NDRG3: variants seen among roughly 807,000 people sequenced by gnomAD.
NDRG3 encodes the protein NDRG family member 3, also known as protein NDRG3.
NDRG3 carries 23 observed loss-of-function variants against 57.2 expected under a neutral mutation model. That is an observed-to-expected ratio of 0.40 (90% CI 0.29 to 0.57). NDRG3 has a LOEUF of 0.57. NDRG3 is among the 20% of genes least tolerant of loss of function. NDRG3 has a pLI of 0.42. For synonymous variants in NDRG3, 132 were observed against 162.6 expected (o/e 0.81, Z 1.43); for missense variants, 384 against 457.3 (o/e 0.84, Z 1.46).
In NDRG3 at chr20:36,656,502, CT is replaced by C; in HGVS notation, c.888del (p.Val297PhefsTer25). On this transcript the variant is annotated frameshift_variant, in exon 14 of 16. Transcript: ENST00000349004. LOFTEE classifies it high-confidence loss of function. Reference sequence around the variant, plus strand: ...TTAAAAAAAATTCTCCTTACCTGAACTACCTGGGGCAGTCCCCCACAGTCCG... The same window carrying C: ...TTAAAAAAAATTCTCCTTACCTGAACACCTGGGGCAGTCCCCCACAGTCCG... ...KMADCGGLPQ[V>X]VQPGKLTEAF... 6.2e-7 allele frequency: 1 copy of C among 1,614,158 alleles called. No individual in the cohort carries two copies. Among genetic ancestry groups the C allele is most frequent in the Non-Finnish European group, 8.5e-7 (1 of 1,179,996 alleles).
chr20:36,706,144 G>A (rs1029859350), intron 3 of NDRG3, among the ~76,000 whole-genome samples: 1 of 152,192 alleles, frequency 6.6e-6, no homozygotes, highest in Non-Finnish European at 1.5e-5. Context: ...CAGAGGTGAT[G>A]CAAAAGCAGA....
intron 6 of NDRG3, among the ~76,000 whole-genome samples, chr20:36,683,450 C>T (rs1386893686): frequency 6.6e-6 from 1 of 151,574 alleles, no homozygotes; most frequent in Non-Finnish European, 1.5e-5. Flanking sequence ...CCCGTCTCTA[C>T]TAAAAATACA....
chr20:36,664,993 C>A (rs375391352), intron 12 of NDRG3, 53 bp downstream of exon 12: 19 of 1,565,958 alleles, frequency 1.2e-5, no homozygotes, highest in Non-Finnish European at 1.5e-5. Flanking sequence ...CTGGCCTACA[C>A]ATTTTATTAC....
intron 7 of NDRG3, 87 bp from the exon 8 acceptor site, chr20:36,680,989 T>C: frequency 9.6e-7 from 1 of 1,045,464 alleles, no homozygotes; most frequent in East Asian, 2.4e-5. Flanking sequence ...CAATTCTTAC[T>C]TACATGCCTT....
intron 3 of NDRG3, chr20:36,700,395 G>A (rs1167973720): frequency 3.9e-6 from 2 of 511,214 alleles, no homozygotes; most frequent in Admixed American, 4.3e-5. Flanking sequence ...ATGTAAATAT[G>A]CTTAGCAGAA....
intron 3 of NDRG3, among the ~76,000 whole-genome samples, chr20:36,697,157 GTTC>G (rs1982860295): frequency 1.3e-5 from 2 of 152,180 alleles, no homozygotes; most frequent in African/African-American, 4.8e-5. Flanking sequence ...CAGAAAAAGT[GTTC>G]TCATTATCTA....
intron 1 of NDRG3, among the ~76,000 whole-genome samples, chr20:36,742,056 G>C: frequency 6.6e-6 from 1 of 152,116 alleles, no homozygotes; most frequent in Middle Eastern, 3.2e-3. Flanking sequence ...TCAAAGCCCA[G>C]AAAGTCAAAA....
At chr20:36,737,503 G>C (rs1985667381) in intron 1 of NDRG3, among the ~76,000 whole-genome samples, 1 of 152,124 alleles carries the variant, frequency 6.6e-6, no homozygotes, top group African/African-American at 2.4e-5. Flanking sequence ...ACTATGCCAG[G>C]TACCGTGATA....
intron 4 of NDRG3, 86 bp from the exon 5 acceptor site, chr20:36,687,698 C>A: frequency 6.9e-7 from 1 of 1,444,294 alleles, no homozygotes; most frequent in South Asian, 1.4e-5. Context: ...TTATCACCTT[C>A]TTTCCCTGCT....
intron 2 of NDRG3, among the ~76,000 whole-genome samples, chr20:36,713,427 A>G (rs1211273093): frequency 6.6e-6 from 1 of 152,190 alleles, no homozygotes; most frequent in Non-Finnish European, 1.5e-5. Context: ...GATTAAAGTG[A>G]ATTATGAAAA....
rs376254153 is a variant in NDRG3 at position 36,660,746 on chromosome 20, G to C, written c.811-362C>G. ...CGGCTAATTTTGTGTATTTTTAGTA[G>C]AGACGGGGTTTCACCGTGTTAGCCA... On this transcript the variant is annotated intron_variant, in intron 12 of 15. Coordinates refer to ENST00000349004, the MANE Select transcript of NDRG3 (RefSeq NM_032013.4). 1.7e-4 allele frequency among the ~76,000 whole-genome samples: 26 copies of C among 152,060 alleles called. 1 individual carries two copies. Among genetic ancestry groups the C allele is most frequent in the East Asian group, 1.2e-3 (6 of 5,168 alleles).
intron 8 of NDRG3, among the ~76,000 whole-genome samples, chr20:36,674,218 G>A (rs1362821854): frequency 2.0e-5 from 3 of 150,306 alleles, no homozygotes; most frequent in African/African-American, 4.9e-5. Flanking sequence ...TTTCTTTTTT[G>A]AGATGGAGTC....
At chr20:36,660,469 A>C in intron 12 of NDRG3, 85 bp from the exon 13 acceptor site, 3 of 952,546 alleles carry the variant, frequency 3.1e-6, no homozygotes, top group Non-Finnish European at 5.0e-6. Flanking sequence ...ATCATCTTGC[A>C]AGATCAACAG....
chr20:36,653,037 G>A lies in NDRG3; in HGVS notation c.*483C>T, dbSNP rs1204538552. The stretch of plus-strand genomic sequence containing the variant: ...GACCAATTTGCAAACAAAAGAGAAT[G>A]CAGTGGCCTACCCAACCTAGAAATC... On this transcript the variant is annotated 3_prime_UTR_variant, in exon 16 of 16. Transcript: ENST00000349004. This position sits in a 1 kb window ranked among gnomAD's most constrained non-coding sequence, Gnocchi z 4.2. 1 of 152,860 alleles carries A rather than the reference G, an allele frequency of 6.5e-6. No individual in the cohort carries two copies. The highest frequency in any genetic ancestry group is 1.9e-4 in the East Asian group (1 of 5,210). 9.5% of individuals were successfully genotyped at this position (152,860 alleles called of 1,614,324 possible).
At chr20:36,713,797 G>A (rs536336835) in intron 2 of NDRG3, among the ~76,000 whole-genome samples, 14 of 152,114 alleles carry the variant, frequency 9.2e-5, no homozygotes, top group South Asian at 8.3e-4. Flanking sequence ...AGGAAGAAAC[G>A]AATACCAAAG....
At chr20:36,686,389 T>G (rs1231631521) in intron 5 of NDRG3, among the ~76,000 whole-genome samples, 1 of 152,204 alleles carries the variant, frequency 6.6e-6, no homozygotes, top group Non-Finnish European at 1.5e-5. Flanking sequence ...CATAGGGTTG[T>G]GAGGAGTAAA....
intron 1 of NDRG3, among the ~76,000 whole-genome samples, chr20:36,733,158 AAAAAAAAAAAAAAATATATATATATATAT>A (rs999957330): frequency 1.5e-4 from 7 of 46,408 alleles, no homozygotes; most frequent in African/African-American, 7.7e-4. Context: ...AAAAAAAAAA[AAAAAAAAAAAAAAATATATATATATATAT>A]ATATATATAT....
In NDRG3 at chr20:36,675,634, C is replaced by T. The variant is rs191031678; in HGVS notation, c.532-4237G>A. 6.2e-3 allele frequency among the ~76,000 whole-genome samples: 949 copies of T among 152,102 alleles called. 4 individuals are homozygous for T. Among genetic ancestry groups the T allele is most frequent in the Non-Finnish European group, 0.01 (700 of 67,980 alleles). ...CTCCCGACTTCAGGTGATATGCCCACCTCGGCCTCCCAAAGTGCTGGGATT... is the reference window on the plus strand; with the variant it reads ...CTCCCGACTTCAGGTGATATGCCCATCTCGGCCTCCCAAAGTGCTGGGATT... On this transcript the variant is annotated intron_variant, in intron 8 of 15. Transcript: ENST00000349004.
intron 3 of NDRG3, among the ~76,000 whole-genome samples, chr20:36,705,321 CAAA>C (rs1174347133): frequency 2.8e-5 from 2 of 72,170 alleles, no homozygotes; most frequent in Non-Finnish European, 3.0e-5. Context: ...GACTCTGTCT[CAAA>C]AAAAAAAAAA....
Sources: gnomAD v4.1 joint callset for allele counts (sites outside exome capture counted in the v4.1 genomes callset) on GRCh38, gnomAD v4.1.1 for gene constraint, Gnocchi (gnomAD v3.1) non-coding constraint, MANE v1.5 for transcripts, NCBI Gene and HGNC (gene_info 2026-07-23, HGNC 2026-07-21) for gene names.